MAN1A1: variants seen among roughly 807,000 people sequenced by gnomAD.
The protein encoded by MAN1A1 is mannosidase alpha class 1A member 1.
Under a neutral mutation model 70.8 loss-of-function variants are expected in MAN1A1, and 29 were observed. The observed-to-expected ratio is 0.41, with a 90% CI of 0.31 to 0.56. The LOEUF (loss-of-function observed/expected upper bound fraction) is 0.56, where lower values mean the gene tolerates loss of function less well. Among genes scored for constraint, MAN1A1 ranks in the 20% least tolerant of loss-of-function variants. The pLI is 0.29. For missense variants in MAN1A1, 747 were observed against 841.3 expected (o/e 0.89, Z 1.39); for synonymous variants, 349 against 330.1 (o/e 1.06, Z -0.62).
At chr6:119,348,438 G>A (rs1485568250) in intron 2 of MAN1A1, 25 bp downstream of exon 2, 1 of 1,548,948 alleles carries the variant, frequency 6.5e-7, no homozygotes, top group Non-Finnish European at 8.8e-7. Context: ...CCGGTCGGGA[G>A]GGATTTCTGG....
chr6:119,269,252 T>C (rs1049538620), intron 5 of MAN1A1: 1 of 279,160 alleles, frequency 3.6e-6, no homozygotes, highest in Admixed American at 4.6e-5. Flanking sequence ...GATATTGGCC[T>C]TCTTCCTCTT....
chr6:119,204,294 G>A (rs544669772), intron 7 of MAN1A1, among the ~76,000 whole-genome samples: 1 of 152,298 alleles, frequency 6.6e-6, no homozygotes, highest in Admixed American at 6.5e-5. Context: ...TTACTGTAAA[G>A]GGAAGCCAAA....
At chr6:119,306,804 G>A (rs1178521488) in intron 3 of MAN1A1, 92 bp downstream of exon 3, 8 of 853,546 alleles carry the variant, frequency 9.4e-6, no homozygotes, top group Non-Finnish European at 1.6e-5. Context: ...ATGGCCTGGA[G>A]GGCCATGTTA....
At chr6:119,190,964 GA>G (rs1051183320) in intron 9 of MAN1A1, among the ~76,000 whole-genome samples, 2 of 152,110 alleles carry the variant, frequency 1.3e-5, no homozygotes, top group Non-Finnish European at 2.9e-5. Flanking sequence ...AAGAGAGAGG[GA>G]TTTGTTAGGA....
chr6:119,286,678 T>TA, intron 5 of MAN1A1, among the ~76,000 whole-genome samples: 1 of 152,280 alleles, frequency 6.6e-6, no homozygotes, highest in East Asian at 1.9e-4. Context: ...AGCTAGTTCT[T>TA]AATCATTTTG....
At chr6:119,236,025 G>A (rs187341390) in intron 6 of MAN1A1, among the ~76,000 whole-genome samples, 3 of 151,912 alleles carry the variant, frequency 2.0e-5, no homozygotes, top group African/African-American at 7.2e-5. Flanking sequence ...TGTAATCCCT[G>A]CTACTCAGGA....
intron 6 of MAN1A1, among the ~76,000 whole-genome samples, chr6:119,226,175 T>C (rs1371035061): frequency 6.6e-6 from 1 of 152,168 alleles, no homozygotes; most frequent in African/African-American, 2.4e-5. Flanking sequence ...ACAACTAACA[T>C]GTCTAAAGAG....
chr6:119,332,094 T>C, intron 2 of MAN1A1: 1 of 388,134 alleles, frequency 2.6e-6, no homozygotes, highest in South Asian at 1.9e-5. Context: ...TGAGAATATG[T>C]ACATAAAGTG....
chr6:119,294,654 AGAG>A (rs1304308197), intron 4 of MAN1A1, among the ~76,000 whole-genome samples: 1 of 152,126 alleles, frequency 6.6e-6, no homozygotes, highest in Non-Finnish European at 1.5e-5. Context: ...CTGATAAGCA[AGAG>A]GAGATTGGAA....
chr6:119,317,717 T>C (rs985619489), intron 2 of MAN1A1, among the ~76,000 whole-genome samples: 1 of 152,204 alleles, frequency 6.6e-6, no homozygotes, highest in African/African-American at 2.4e-5. Flanking sequence ...AAGAAGAGAC[T>C]TGCACAGTAT....
At chr6:119,339,016 C>G (rs1239978272) in intron 2 of MAN1A1, among the ~76,000 whole-genome samples, 1 of 152,166 alleles carries the variant, frequency 6.6e-6, no homozygotes, top group African/African-American at 2.4e-5. Context: ...CTCTATCTTC[C>G]TCCTTTCAAA....
intron 6 of MAN1A1, among the ~76,000 whole-genome samples, chr6:119,212,671 C>A (rs1774087914): frequency 6.6e-6 from 1 of 152,068 alleles, no homozygotes; most frequent in Admixed American, 6.5e-5. Context: ...TTTGGAAAAC[C>A]ATTTCTGTTC....
At chr6:119,236,055 C>T (rs1270786438) in intron 6 of MAN1A1, among the ~76,000 whole-genome samples, 1 of 149,628 alleles carries the variant, frequency 6.7e-6, no homozygotes, top group East Asian at 2.0e-4. Context: ...AGGAGAATTG[C>T]TTGAACCAGG....
Position 119,201,331 on chromosome 6 carries a change from G to C in MAN1A1, c.1133C>G (p.Thr378Arg). ...TGGTTTTTCCAGTTTGTTCAGTACT[G>C]TTCGAATATTCATTACCTATAATAG... ...IFAEKVMNIR[T>R]VLNKLEKPQG... The change falls in exon 8 of 13, where the codon ACA (threonine) becomes AGA (arginine). Residue 378 changes from threonine to arginine, a missense_variant. Thr to Arg is a moderately conservative substitution (Grantham distance 71). Transcript: ENST00000368468. 1 of 1,609,936 alleles carries C rather than the reference G, an allele frequency of 6.2e-7. No individual in the cohort carries two copies. Among genetic ancestry groups the C allele is most frequent in the Non-Finnish European group, 8.5e-7 (1 of 1,176,474 alleles).
intron 9 of MAN1A1, among the ~76,000 whole-genome samples, chr6:119,191,697 G>GCCAGTTGATCCAGATAGTCT (rs1773446102): frequency 6.6e-6 from 1 of 152,088 alleles, no homozygotes; most frequent in Non-Finnish European, 1.5e-5. Flanking sequence ...TCCAGATAGG[G>GCCAGTTGATCCAGATAGTCT]CCATGATAGC....
rs1773837357 is a variant in MAN1A1 at position 119,349,287 on chromosome 6, C to A, written c.-222G>T. On this transcript the variant is annotated splice_region_variant and 5_prime_UTR_variant, in exon 2 of 13. Coordinates refer to ENST00000368468, the MANE Select transcript of MAN1A1 (RefSeq NM_005907.4). Reference sequence around the variant, plus strand: ...GCGCGACAGACCGCTGGCTGCAGCCCCTGCGGGGAGAGAAACAGTAAAACG... The same window carrying A: ...GCGCGACAGACCGCTGGCTGCAGCCACTGCGGGGAGAGAAACAGTAAAACG... The A allele has an allele frequency of 1.7e-6, 2 of 1,209,952 alleles. No individual in the cohort carries two copies. The highest frequency in any genetic ancestry group is 3.2e-5 in the African/African-American group (2 of 63,408). 75.0% of individuals were successfully genotyped at this position (1,209,952 alleles called of 1,614,324 possible).
At chr6:119,211,238 C>T (rs1774042673) in intron 6 of MAN1A1, among the ~76,000 whole-genome samples, 1 of 152,188 alleles carries the variant, frequency 6.6e-6, no homozygotes, top group African/African-American at 2.4e-5. Context: ...CTCTGTCTTT[C>T]ATTCTATGGG....
intron 6 of MAN1A1, among the ~76,000 whole-genome samples, chr6:119,223,071 G>C (rs910167361): frequency 1.2e-4 from 19 of 152,072 alleles, no homozygotes; most frequent in Non-Finnish European, 2.2e-4. Flanking sequence ...GAAGAAATAA[G>C]AAACAGGAAA....
intron 5 of MAN1A1, among the ~76,000 whole-genome samples, chr6:119,279,608 T>C (rs75564837): frequency 4.5e-5 from 3 of 66,810 alleles, no homozygotes; most frequent in Non-Finnish European, 7.2e-5. Flanking sequence ...CCTCTTCCCC[T>C]GAGTCTCAGC....
Sources: allele counts gnomAD v4.1 joint callset (sites outside exome capture counted in the v4.1 genomes callset), GRCh38; gene constraint gnomAD v4.1.1; transcripts MANE v1.5; gene names NCBI Gene and HGNC (gene_info 2026-07-23, HGNC 2026-07-21).